Variants in KCNA3 observed in about 807,000 individuals in gnomAD.
KCNA3 encodes RP11-284N8.3.
In KCNA3, 18 loss-of-function variants were observed where a neutral mutation model predicts 34.3. The ratio of observed to expected loss-of-function variants is 0.52; its 90% confidence interval spans 0.36 to 0.78. The LOEUF (loss-of-function observed/expected upper bound fraction) is 0.78, where lower values mean the gene tolerates loss of function less well. Ranked by LOEUF, KCNA3 falls within the 30% of genes least tolerant of loss-of-function variation. The pLI, the probability that KCNA3 is intolerant of heterozygous loss-of-function variation, is 0.00. For missense variants in KCNA3, 587 were observed against 802.5 expected, an observed-to-expected ratio of 0.73 and a Z score of 3.24; for synonymous variants, 324 against 351.7, an observed-to-expected ratio of 0.92 and a Z score of 0.88.
At chr1:110,656,083 C>A in the KCNA3 span, 4 of 152,156 alleles carry the variant, frequency 2.6e-5, no homozygotes, top group African/African-American at 9.6e-5. Context: ...GCTTCTGGGA[C>A]CAAAAGGACA....
At chr1:110,659,352 T>C in the KCNA3 span, among the ~76,000 whole-genome samples, 185 of 152,368 alleles carry the variant, frequency 1.2e-3, no homozygotes, top group Middle Eastern at 0.017. Context: ...ATGTCTTTTA[T>C]ATGCACGCAT....
Position 110,674,240 on chromosome 1 carries a change from G to A in KCNA3, c.570C>T (p.Gly190=). 1.9e-6 allele frequency: 3 copies of A among 1,613,908 alleles called. No homozygotes were observed. The highest frequency in any genetic ancestry group is 2.5e-6 in the Non-Finnish European group (3 of 1,179,868). Residue 190 remains glycine, a synonymous_variant, in exon 1 of 1, where the codon GGC becomes GGT. Coordinates refer to ENST00000369769, the MANE Select transcript of KCNA3 (RefSeq NM_002232.5). This position sits in a 1 kb window ranked among gnomAD's most constrained non-coding sequence, Gnocchi z 6.4. ...FSEEIRFYQL[G]EEAMEKFRED... ...CGCGGAACTTCTCCATGGCCTCCTC[G>A]CCCAGCTGGTAGAAGCGGATCTCCT...
At chr1:110,663,550 G>C in the KCNA3 span, among the ~76,000 whole-genome samples, 1 of 152,192 alleles carries the variant, frequency 6.6e-6, no homozygotes. Flanking sequence ...AAGGGGTGTG[G>C]AGAAAGTTCC....
At chr1:110,657,367 C>T in the KCNA3 span, among the ~76,000 whole-genome samples, 2 of 152,074 alleles carry the variant, frequency 1.3e-5, no homozygotes, top group Non-Finnish European at 2.9e-5. Flanking sequence ...CAAAGCATTT[C>T]TCAAATGTGT....
At chr1:110,656,950 T>G in the KCNA3 span, 1 of 152,036 alleles carries the variant, frequency 6.6e-6, no homozygotes, top group African/African-American at 2.4e-5. Flanking sequence ...TTCATCACAA[T>G]CAATTTGAAG....
chr1:110,657,104 T>C, the KCNA3 span: 1 of 148,140 alleles, frequency 6.8e-6, no homozygotes, highest in Non-Finnish European at 1.5e-5. Context: ...TGGAGTGCAG[T>C]GGCATGATCT....
chr1:110,663,620 A>C, the KCNA3 span, among the ~76,000 whole-genome samples: 1 of 152,222 alleles, frequency 6.6e-6, no homozygotes, highest in African/African-American at 2.4e-5. Context: ...CCTTGGTTAC[A>C]ATATTACATA....
the KCNA3 span, among the ~76,000 whole-genome samples, chr1:110,664,255 C>T: frequency 6.6e-6 from 1 of 152,172 alleles, no homozygotes; most frequent in Non-Finnish European, 1.5e-5. Context: ...TGATTAAAAG[C>T]ACTCTATCAG....
chr1:110,665,376 A>G, the KCNA3 span, among the ~76,000 whole-genome samples: 1 of 152,328 alleles, frequency 6.6e-6, no homozygotes, highest in Admixed American at 6.5e-5. Context: ...AGTGGACTAA[A>G]TAAGGGGTGT....
At chr1:110,663,082 G>C in the KCNA3 span, among the ~76,000 whole-genome samples, 2 of 152,086 alleles carry the variant, frequency 1.3e-5, no homozygotes, top group African/African-American at 2.4e-5. Flanking sequence ...CCTGTAGTCA[G>C]ACACGAGGTA....
At chr1:110,672,215 G>A (rs1651915344), downstream of KCNA3, among the ~76,000 whole-genome samples, 2 of 152,118 alleles carry the variant, frequency 1.3e-5, no homozygotes, top group Admixed American at 6.5e-5. Flanking sequence ...AGTCAGGTCC[G>A]AATTAGTAAC....
chr1:110,656,984 A>G, the KCNA3 span: 1 of 152,026 alleles, frequency 6.6e-6, no homozygotes, highest in Non-Finnish European at 1.5e-5. Flanking sequence ...TGATACTTTC[A>G]AGGCTTAAAT....
chr1:110,673,240 G>A lies in KCNA3; in HGVS notation c.1570C>T (p.Leu524=). ...ATCACCATATACTCCGACTTACTCAGAGTCGAGTTACTCCTTGCTTTTCGG... is the reference window on the plus strand; with the variant it reads ...ATCACCATATACTCCGACTTACTCAAAGTCGAGTTACTCCTTGCTTTTCGG... ...ELRKARSNST[L]SKSEYMVIEE... The change falls in exon 1 of 1, where the codon CTG becomes TTG. Residue 524 remains leucine, a synonymous_variant. Transcript: ENST00000369769. The surrounding 1 kb of genome is among the most constrained non-coding windows in gnomAD (Gnocchi z 8.8). 2 of 1,614,156 alleles carry A rather than the reference G, an allele frequency of 1.2e-6. No individual in the cohort carries two copies. The highest frequency in any genetic ancestry group is 1.7e-6 in the Non-Finnish European group (2 of 1,180,032).
chr1:110,663,358 C>T, the KCNA3 span, among the ~76,000 whole-genome samples: 3 of 152,034 alleles, frequency 2.0e-5, no homozygotes, highest in Admixed American at 6.5e-5. Context: ...CATAAAGTGG[C>T]GTAAGGAGAA....
the KCNA3 span, among the ~76,000 whole-genome samples, chr1:110,658,028 T>G: frequency 6.6e-6 from 1 of 152,250 alleles, no homozygotes; most frequent in Non-Finnish European, 1.5e-5. Flanking sequence ...ATAGCTCAAA[T>G]CTGAGATAGC....
chr1:110,671,033 T>G (rs1393166598), downstream of KCNA3, among the ~76,000 whole-genome samples: 1 of 152,248 alleles, frequency 6.6e-6, no homozygotes, highest in African/African-American at 2.4e-5. Context: ...TTAAATAAAA[T>G]GTTACTCTTA....
chr1:110,653,921 C>T, the KCNA3 span: 32 of 152,216 alleles, frequency 2.1e-4, no homozygotes, highest in Admixed American at 1.4e-3. Flanking sequence ...ATGAAGAGAA[C>T]TAAATTCAAT....
chr1:110,669,331 T>C (rs1219009606), downstream of KCNA3, among the ~76,000 whole-genome samples: 1 of 152,190 alleles, frequency 6.6e-6, no homozygotes, highest in Non-Finnish European at 1.5e-5. Flanking sequence ...TCATAGCAGT[T>C]ATCACTAAAC....
In KCNA3 at chr1:110,674,929, C is replaced by T. The variant is rs1652038505; in HGVS notation, c.-120G>A. Reference sequence around the variant, plus strand: ...CTGTTGCAGCCAAAGCCGCGATGCTCTGTCTGGGTCTGGCGCGGTCAGCCG... The same window carrying T: ...CTGTTGCAGCCAAAGCCGCGATGCTTTGTCTGGGTCTGGCGCGGTCAGCCG... On this transcript the variant is annotated 5_prime_UTR_variant, in exon 1 of 1. Coordinates refer to ENST00000369769, the MANE Select transcript of KCNA3 (RefSeq NM_002232.5). This position sits in a 1 kb window ranked among gnomAD's most constrained non-coding sequence, Gnocchi z 6.4. 8.3e-7 allele frequency: 1 copy of T among 1,211,156 alleles called. No individual in the cohort carries two copies. The highest frequency in any genetic ancestry group is 3.2e-5 in the East Asian group (1 of 30,848). 75.0% of individuals were successfully genotyped at this position (1,211,156 alleles called of 1,614,324 possible). A position where few individuals can be genotyped will look rare whatever the true frequency, so the allele number is the denominator to read the frequency against.
Sources: allele counts gnomAD v4.1 joint callset (sites outside exome capture counted in the v4.1 genomes callset), GRCh38; gene constraint gnomAD v4.1.1; non-coding constraint Gnocchi (gnomAD v3.1); transcripts MANE v1.5; gene names NCBI Gene and HGNC (gene_info 2026-07-23, HGNC 2026-07-21).